Variants in NRG3 observed in about 807,000 individuals in gnomAD.
The protein encoded by NRG3 is pro-neuregulin-3, membrane-bound isoform.
NRG3 carries 31 observed loss-of-function variants against 66.9 expected under a neutral mutation model. The ratio of observed to expected loss-of-function variants is 0.46; its 90% CI spans 0.35 to 0.63. The LOEUF is 0.63. Among genes scored for constraint, NRG3 ranks in the 20% least tolerant of loss-of-function variants. The pLI, the probability that NRG3 is intolerant of heterozygous loss-of-function variation, is 0.00. For missense variants in NRG3, 910 were observed against 878.9 expected (o/e 1.04, Z -0.45); for synonymous variants, 393 against 359.4 (o/e 1.09, Z -1.06).
intron 1 of NRG3, among the ~76,000 whole-genome samples, chr10:82,163,183 C>A (rs2071741696): frequency 6.6e-6 from 1 of 152,104 alleles, no homozygotes; most frequent in Non-Finnish European, 1.5e-5. Flanking sequence ...TCATATTAAT[C>A]TCTCTTCTAA....
intron 3 of NRG3, among the ~76,000 whole-genome samples, chr10:82,839,047 A>G (rs2062922343): frequency 1.3e-5 from 2 of 152,146 alleles, no homozygotes; most frequent in Admixed American, 6.6e-5. Flanking sequence ...CGCTCCCATT[A>G]TATCCCACTG....
chr10:82,513,141 G>A lies in NRG3; in HGVS notation c.953+154273G>A, dbSNP rs562495159. ...CCCTCGACATGCCCCAGTGTGTGTT[G>A]TTCCCCTCCCTATGTCCATATGTTC... is the stretch of plus-strand genomic sequence containing the variant. On this transcript the variant is annotated intron_variant, in intron 2 of 8. Transcript: ENST00000372141. Among the ~76,000 whole-genome samples, 3 of 152,226 alleles carry A rather than the reference G, an allele frequency of 2.0e-5. No homozygotes were observed. In the South Asian group the frequency reaches 6.2e-4, roughly 32 times the overall value.
intron 1 of NRG3, among the ~76,000 whole-genome samples, chr10:82,144,029 TAA>T (rs558793877): frequency 4.7e-5 from 5 of 107,086 alleles, no homozygotes; most frequent in Admixed American, 1.0e-4. Context: ...GACTTTGTCT[TAA>T]AAAAAAAAAA....
intron 1 of NRG3, among the ~76,000 whole-genome samples, chr10:81,898,726 A>G (rs550350778): frequency 6.6e-6 from 1 of 152,274 alleles, no homozygotes; most frequent in African/African-American, 2.4e-5. Flanking sequence ...CAAGGGAGAA[A>G]TACTTGAAAT....
chr10:82,498,785 G>A (rs1843854768), intron 2 of NRG3, among the ~76,000 whole-genome samples: 1 of 152,110 alleles, frequency 6.6e-6, no homozygotes. Context: ...CTCAACCCAG[G>A]TATTCATATG....
intron 4 of NRG3, among the ~76,000 whole-genome samples, chr10:82,910,519 G>A (rs990288127): frequency 5.9e-5 from 9 of 152,218 alleles, no homozygotes; most frequent in African/African-American, 2.2e-4. Context: ...TATGCTAGCA[G>A]GAAGGCATGA....
At position 82,720,810 on chromosome 10, in the gene NRG3, C is replaced by CATATACATATATATATATAT. The variant is rs571675177; in HGVS notation, c.954-17762_954-17761insCATATATATATATATATATA. ...AACACATATATAGGAGTATTTTATA[C>CATATACATATATATATATAT]ATATATATATATATATATATATATA... On this transcript the variant is annotated intron_variant, in intron 2 of 8. Transcript: ENST00000372141. 5.0e-3 allele frequency among the ~76,000 whole-genome samples: 576 copies of CATATACATATATATATATAT among 114,362 alleles called. 6 individuals are homozygous for CATATACATATATATATATAT. The highest frequency in any genetic ancestry group is 0.014 in the African/African-American group (323 of 22,696). The allele number at this position is 114,362 out of a possible 152,430, so 75.0% of individuals were successfully genotyped here. A position where few individuals can be genotyped will look rare whatever the true frequency, so the allele number is the denominator to read the frequency against.
chr10:82,455,683 C>T (rs1026996344), intron 2 of NRG3, among the ~76,000 whole-genome samples: 8 of 150,550 alleles, frequency 5.3e-5, no homozygotes, highest in Non-Finnish European at 1.0e-4. Flanking sequence ...GGCGCGATCT[C>T]GGCTCACTGC....
chr10:82,793,147 A>T (rs1591541907), intron 3 of NRG3, among the ~76,000 whole-genome samples: 1 of 152,192 alleles, frequency 6.6e-6, no homozygotes, highest in East Asian at 1.9e-4. Context: ...AATGTTGATC[A>T]TTCCATCTGG....
At chr10:82,552,505 C>T (rs945422434) in intron 2 of NRG3, among the ~76,000 whole-genome samples, 9 of 151,936 alleles carry the variant, frequency 5.9e-5, no homozygotes, top group Non-Finnish European at 1.0e-4. Flanking sequence ...TTTTTGAGTA[C>T]TTTATATGTA....
chr10:82,485,502 C>T (rs1021574458), intron 2 of NRG3, among the ~76,000 whole-genome samples: 4 of 147,972 alleles, frequency 2.7e-5, no homozygotes, highest in Non-Finnish European at 5.9e-5. Flanking sequence ...GTAGGATTTT[C>T]GAAGGGTAAT....
intron 2 of NRG3, among the ~76,000 whole-genome samples, chr10:82,700,128 C>T (rs1202341695): frequency 6.6e-6 from 1 of 152,114 alleles, no homozygotes; most frequent in Non-Finnish European, 1.5e-5. Context: ...CAGCGCTTGA[C>T]AGACATTGTG....
chr10:82,236,957 C>T (rs779742809), intron 1 of NRG3, among the ~76,000 whole-genome samples: 15 of 152,016 alleles, frequency 9.9e-5, no homozygotes, highest in South Asian at 2.1e-4. Flanking sequence ...CCTTGTGGTC[C>T]GCCCACCTTG....
intron 2 of NRG3, among the ~76,000 whole-genome samples, chr10:82,471,913 G>A (rs1170405448): frequency 6.6e-6 from 1 of 151,390 alleles, no homozygotes; most frequent in African/African-American, 2.4e-5. Flanking sequence ...ATCAAGGTTT[G>A]TATATTTCTT....
Position 82,630,610 on chromosome 10 carries a change from G to A in NRG3, c.954-107967G>A, listed in dbSNP as rs59905264. Among the ~76,000 whole-genome samples the A allele has an allele frequency of 3.2e-3, 484 of 151,814 alleles. 4 individuals carry two copies. The highest frequency in any genetic ancestry group is 0.011 in the African/African-American group (470 of 41,416). ...GGAGAGTCACTTGAACCTGGGAGGC[G>A]AAGGTTGCAGTGAGCTGAGATCACG... On this transcript the variant is annotated intron_variant, in intron 2 of 8. Coordinates refer to ENST00000372141, the MANE Select transcript of NRG3 (RefSeq NM_001010848.4).
intron 1 of NRG3, among the ~76,000 whole-genome samples, chr10:82,258,498 C>T (rs2077853312): frequency 6.6e-6 from 1 of 152,126 alleles, no homozygotes; most frequent in Non-Finnish European, 1.5e-5. Context: ...TTGTATCTAT[C>T]ATATGGATTT....
intron 1 of NRG3, among the ~76,000 whole-genome samples, chr10:82,255,272 G>A (rs1265508514): frequency 6.6e-6 from 1 of 152,084 alleles, no homozygotes; most frequent in African/African-American, 2.4e-5. Context: ...TCACAGACAA[G>A]CAAAATCTGA....
At chr10:82,564,827 TAACTC>T (rs1333085848) in intron 2 of NRG3, among the ~76,000 whole-genome samples, 15 of 152,124 alleles carry the variant, frequency 9.9e-5, no homozygotes, top group African/African-American at 3.4e-4. Context: ...AGTATCTTCT[TAACTC>T]AGCAGGAATA....
chr10:82,689,247 A>T (rs1241879573), intron 2 of NRG3, among the ~76,000 whole-genome samples: 1 of 152,184 alleles, frequency 6.6e-6, no homozygotes, highest in Non-Finnish European at 1.5e-5. Flanking sequence ...TAATCTCAAA[A>T]GATACCTGAG....
Sources: allele counts gnomAD v4.1 joint callset (sites outside exome capture counted in the v4.1 genomes callset), GRCh38; gene constraint gnomAD v4.1.1; transcripts MANE v1.5; gene names NCBI Gene and HGNC (gene_info 2026-07-23, HGNC 2026-07-21).